The following CALCR variants were observed in gnomAD, a reference collection of about 807,000 sequenced individuals.
CALCR encodes the protein calcitonin receptor.
Under a neutral mutation model 59.5 loss-of-function variants are expected in CALCR, and 47 were observed. That is an observed-to-expected ratio of 0.79 (90% CI 0.63 to 1.01). CALCR has a LOEUF of 1.01. Ranked by LOEUF, CALCR falls within the 50% of genes least tolerant of loss-of-function variation. The probability of loss-of-function intolerance (pLI) is 0.00; values close to 1 mark genes in which losing one functional copy is unlikely to be tolerated. For synonymous variants in CALCR, 213 were observed against 211.3 expected, an observed-to-expected ratio of 1.01 and a Z score of -0.07; for missense variants, 566 against 597.1, an observed-to-expected ratio of 0.95 and a Z score of 0.54.
At chr7:93,448,199 C>A (rs1397548951) in intron 8 of CALCR, among the ~76,000 whole-genome samples, 1 of 151,936 alleles carries the variant, frequency 6.6e-6, no homozygotes, top group African/African-American at 2.4e-5. Context: ...CACACACACA[C>A]ACAAAAAACT....
chr7:93,550,254 C>T (rs6954471), intron 2 of CALCR, among the ~76,000 whole-genome samples: 27,830 of 151,720 alleles, frequency 0.18, 3,281 homozygotes, highest in East Asian at 0.36. Context: ...AGTTGGGAGG[C>T]TGAGGCAGGT....
intron 9 of CALCR, chr7:93,441,409 G>T: frequency 2.6e-6 from 1 of 391,378 alleles, no homozygotes; most frequent in Non-Finnish European, 5.0e-6. Context: ...GTGATGATCA[G>T]AATTGCCATT....
At chr7:93,498,951 T>C (rs1412105006) in intron 2 of CALCR, among the ~76,000 whole-genome samples, 2 of 151,504 alleles carry the variant, frequency 1.3e-5, no homozygotes, top group Non-Finnish European at 3.0e-5. Context: ...AAAAAAATAG[T>C]GGGCAAAGGA....
At chr7:93,544,961 A>C (rs1200119388) in intron 2 of CALCR, among the ~76,000 whole-genome samples, 2 of 152,098 alleles carry the variant, frequency 1.3e-5, no homozygotes, top group African/African-American at 4.8e-5. Flanking sequence ...ATATGAACTC[A>C]TCTTTTCTGG....
chr7:93,511,117 A>T (rs1031965107), intron 2 of CALCR, among the ~76,000 whole-genome samples: 11 of 152,044 alleles, frequency 7.2e-5, no homozygotes, highest in African/African-American at 2.7e-4. Context: ...ATATATTCAC[A>T]TATGCATATA....
intron 11 of CALCR, 96 bp downstream of exon 11, chr7:93,437,964 T>G: frequency 1.8e-6 from 2 of 1,086,770 alleles, no homozygotes; most frequent in Non-Finnish European, 2.7e-6. Context: ...AGCTTCATTT[T>G]GAAGTTATAA....
intron 2 of CALCR, among the ~76,000 whole-genome samples, chr7:93,534,370 C>T (rs1159427692): frequency 6.6e-6 from 1 of 151,690 alleles, no homozygotes; most frequent in African/African-American, 2.4e-5. Context: ...AGTAGGAGAG[C>T]CTGCTCCAGA....
At chr7:93,515,575 C>T (rs1309993034) in intron 2 of CALCR, among the ~76,000 whole-genome samples, 1 of 151,980 alleles carries the variant, frequency 6.6e-6, no homozygotes, top group East Asian at 1.9e-4. Context: ...CTTTGCTACA[C>T]TCTTGTTTGA....
At chr7:93,512,554 G>A (rs958616422) in intron 2 of CALCR, among the ~76,000 whole-genome samples, 1 of 152,112 alleles carries the variant, frequency 6.6e-6, no homozygotes, top group Non-Finnish European at 1.5e-5. Context: ...TAAAGTTTAC[G>A]TGGAATCAGC....
chr7:93,442,022 T>C (rs1003658702), intron 9 of CALCR, among the ~76,000 whole-genome samples: 35 of 152,120 alleles, frequency 2.3e-4, no homozygotes, highest in African/African-American at 7.7e-4. Flanking sequence ...TCAGGAAACT[T>C]TGGGGCAGGA....
chr7:93,511,579 A>T (rs142221730), intron 2 of CALCR, among the ~76,000 whole-genome samples: 3 of 152,164 alleles, frequency 2.0e-5, no homozygotes, highest in Admixed American at 2.0e-4. Flanking sequence ...AGATATGTGA[A>T]AAGTGGGAAA....
chr7:93,511,224 T>G (rs952139068), intron 2 of CALCR, among the ~76,000 whole-genome samples: 1 of 152,108 alleles, frequency 6.6e-6, no homozygotes, highest in Non-Finnish European at 1.5e-5. Flanking sequence ...ACAAGTTAAG[T>G]TACTTCTGAG....
rs184624725 is a variant in CALCR at position 93,471,749 on chromosome 7, A to C, written c.429+626T>G. Among the ~76,000 whole-genome samples the C allele has an allele frequency of 2.3e-4, 35 of 151,914 alleles. No homozygotes were observed. The East Asian group carries it at 6.8e-3, about 30-fold the overall frequency. ...AGATTTTTGATACATTTGAGGAAGA[A>C]AGATCATCTGTTCCCCACTCGCCAT... On this transcript the variant is annotated intron_variant, in intron 6 of 13. Transcript: ENST00000426151.
intron 2 of CALCR, among the ~76,000 whole-genome samples, chr7:93,503,263 C>T (rs1801358849): frequency 6.6e-6 from 1 of 152,072 alleles, no homozygotes; most frequent in African/African-American, 2.4e-5. Flanking sequence ...ATGGTCCTGC[C>T]AGGGGAGCAA....
At chr7:93,518,620 C>A (rs533058250) in intron 2 of CALCR, among the ~76,000 whole-genome samples, 1 of 151,796 alleles carries the variant, frequency 6.6e-6, no homozygotes, top group South Asian at 2.1e-4. Context: ...TAAACCCAAC[C>A]AATTAGGTGG....
chr7:93,492,017 A>T (rs1801089531), intron 2 of CALCR, among the ~76,000 whole-genome samples: 2 of 151,952 alleles, frequency 1.3e-5, no homozygotes, highest in Non-Finnish European at 2.9e-5. Context: ...CCCATCAAAG[A>T]TAGACCGTAT....
Position 93,477,668 on chromosome 7 carries a change from C to A in CALCR, c.206G>T (p.Gly69Val). The A allele has an allele frequency of 6.3e-7, 1 of 1,593,040 alleles. No homozygotes were observed. The highest frequency in any genetic ancestry group is 8.6e-7 in the Non-Finnish European group (1 of 1,162,214). ...ATCCCAGGTGCGATTGCAATATGGA[C>A]CTGGCCATTTAGAAGGAAATTGATA... is the stretch of plus-strand genomic sequence containing the variant. ...MQQLPAYQGE[G>V]PYCNRTWDGW... Residue 69 changes from glycine to valine, a missense_variant and splice_region_variant, in exon 5 of 14, where the codon GGT becomes GTT. Gly to Val is a moderately radical substitution (Grantham distance 109, BLOSUM62 -3). Transcript: ENST00000426151.
At chr7:93,439,555 CCTT>C (rs1459109886) in intron 9 of CALCR, among the ~76,000 whole-genome samples, 7 of 151,986 alleles carry the variant, frequency 4.6e-5, no homozygotes, top group African/African-American at 1.7e-4. Context: ...GGGCTCTTTG[CCTT>C]CTTCTAGCTA....
At chr7:93,520,043 CATAA>C (rs1467757879) in intron 2 of CALCR, among the ~76,000 whole-genome samples, 3 of 151,870 alleles carry the variant, frequency 2.0e-5, no homozygotes, top group African/African-American at 7.3e-5. Context: ...AAAATGTGTT[CATAA>C]ATATAGAATA....
Sources: allele counts gnomAD v4.1 joint callset (sites outside exome capture counted in the v4.1 genomes callset), GRCh38; gene constraint gnomAD v4.1.1; transcripts MANE v1.5; gene names NCBI Gene and HGNC (gene_info 2026-07-23, HGNC 2026-07-21).